The following ESR1 variants were observed in gnomAD, a reference collection of about 807,000 sequenced individuals.
ESR1 encodes estrogen receptor 1.
Under a neutral mutation model 52.7 loss-of-function variants are expected in ESR1, and 12 were observed. The observed-to-expected ratio is 0.23, with a 90% confidence interval of 0.15 to 0.37. The LOEUF (loss-of-function observed/expected upper bound fraction) is 0.37. ESR1 is among the 10% of genes least tolerant of loss of function. ESR1 has a pLI of 1.00. For synonymous variants in ESR1, 305 were observed against 316.8 expected, an observed-to-expected ratio of 0.96 and a Z score of 0.39; for missense variants, 584 against 779.7, an observed-to-expected ratio of 0.75 and a Z score of 2.99.
intron 2 of ESR1, among the ~76,000 whole-genome samples, chr6:151,755,891 G>A (rs1354002593): frequency 6.6e-6 from 1 of 151,868 alleles, no homozygotes; most frequent in Non-Finnish European, 1.5e-5. Flanking sequence ...TCAGCCTCCC[G>A]AAGTGCTGGG....
intron 1 of ESR1, among the ~76,000 whole-genome samples, chr6:151,695,816 A>T (rs1191745583): frequency 2.0e-5 from 3 of 152,224 alleles, no homozygotes; most frequent in African/African-American, 7.2e-5. Context: ...GGTGCTTAAT[A>T]AAGATAATTG....
At chr6:151,958,578 G>A (rs2037270217) in intron 4 of ESR1, among the ~76,000 whole-genome samples, 1 of 152,164 alleles carries the variant, frequency 6.6e-6, no homozygotes, top group African/African-American at 2.4e-5. Context: ...GTTATCTTGT[G>A]GCTTTGTGAA....
At chr6:151,712,251 G>A (rs1363439290) in intron 2 of ESR1, among the ~76,000 whole-genome samples, 2 of 152,160 alleles carry the variant, frequency 1.3e-5, no homozygotes, top group Non-Finnish European at 2.9e-5. Context: ...CCGTAGCCTT[G>A]TAGTATAGTT....
chr6:151,996,926 A>T (rs2041539083), intron 4 of ESR1, among the ~76,000 whole-genome samples: 1 of 152,100 alleles, frequency 6.6e-6, no homozygotes, highest in African/African-American at 2.4e-5. Context: ...ACTATCTATT[A>T]AGGACAAAGG....
chr6:152,072,099 C>T (rs2048399978), intron 6 of ESR1, among the ~76,000 whole-genome samples: 1 of 152,136 alleles, frequency 6.6e-6, no homozygotes, highest in Non-Finnish European at 1.5e-5. Flanking sequence ...TCAGCCACTG[C>T]CCTCTCCTCT....
intron 6 of ESR1, among the ~76,000 whole-genome samples, chr6:152,110,945 T>C (rs528036574): frequency 6.6e-6 from 1 of 152,308 alleles, no homozygotes; most frequent in East Asian, 1.9e-4. Context: ...TCTTGGTTTC[T>C]GAGGCCCCTT....
intron 1 of ESR1, among the ~76,000 whole-genome samples, chr6:151,830,488 G>A (rs1298167183): frequency 6.6e-6 from 1 of 152,182 alleles, no homozygotes; most frequent in Non-Finnish European, 1.5e-5. Context: ...AAAAGAAGAT[G>A]TGGTGTCAAA....
intron 2 of ESR1, among the ~76,000 whole-genome samples, chr6:151,869,824 A>G (rs1227130877): frequency 1.3e-5 from 2 of 152,228 alleles, no homozygotes; most frequent in Non-Finnish European, 2.9e-5. Flanking sequence ...TAAATAATAA[A>G]AGTAAGATGT....
chr6:152,095,351 C>CG (rs1310015855), intron 7 of ESR1, among the ~76,000 whole-genome samples: 2 of 152,120 alleles, frequency 1.3e-5, no homozygotes, highest in African/African-American at 4.8e-5. Context: ...GATGAGTCAT[C>CG]GGGGGGAGGT....
At chr6:152,083,051 T>C (rs1255287680) in intron 6 of ESR1, among the ~76,000 whole-genome samples, 2 of 152,162 alleles carry the variant, frequency 1.3e-5, no homozygotes, top group African/African-American at 2.4e-5. Flanking sequence ...AGGTAATTTA[T>C]AGATTCAGTG....
chr6:151,826,116 G>T (rs1277590898), intron 1 of ESR1, among the ~76,000 whole-genome samples: 1 of 152,008 alleles, frequency 6.6e-6, no homozygotes, highest in Non-Finnish European at 1.5e-5. Flanking sequence ...TGGTTGTGTG[G>T]TTTGGCTTTG....
At chr6:151,744,651 C>A (rs1783352557) in intron 2 of ESR1, among the ~76,000 whole-genome samples, 1 of 152,214 alleles carries the variant, frequency 6.6e-6, no homozygotes, top group East Asian at 1.9e-4. Flanking sequence ...AATATTTTCT[C>A]CCATTTTGTG....
intron 4 of ESR1, among the ~76,000 whole-genome samples, chr6:151,991,045 A>G (rs936724287): frequency 2.0e-5 from 3 of 152,190 alleles, no homozygotes; most frequent in Non-Finnish European, 2.9e-5. Context: ...CCAGGTCTAC[A>G]CTTCTTTAGT....
intron 4 of ESR1, among the ~76,000 whole-genome samples, chr6:151,946,165 G>A (rs1397855142): frequency 6.6e-6 from 1 of 152,162 alleles, no homozygotes; most frequent in Admixed American, 6.5e-5. Context: ...TATAGGGAAA[G>A]AGAAACAAAC....
At chr6:151,780,212 T>A (rs1203321263) in intron 2 of ESR1, among the ~76,000 whole-genome samples, 1 of 150,716 alleles carries the variant, frequency 6.6e-6, no homozygotes, top group Non-Finnish European at 1.5e-5. Flanking sequence ...TGTCGGGGGG[T>A]TGGGGGTCAA....
chr6:151,732,159 T>G (rs1236899197), intron 2 of ESR1, among the ~76,000 whole-genome samples: 1 of 152,238 alleles, frequency 6.6e-6, no homozygotes, highest in Non-Finnish European at 1.5e-5. Context: ...AAGCCATGCT[T>G]CTTTTCTCTT....
At chr6:151,907,337 A>G (rs1014449519) in intron 3 of ESR1, among the ~76,000 whole-genome samples, 3 of 152,098 alleles carry the variant, frequency 2.0e-5, no homozygotes, top group African/African-American at 7.2e-5. Context: ...CATTAACATT[A>G]TATAACTCTC....
At chr6:151,972,699 TA>T (rs1314830080) in intron 4 of ESR1, among the ~76,000 whole-genome samples, 2 of 152,098 alleles carry the variant, frequency 1.3e-5, no homozygotes, top group Non-Finnish European at 2.9e-5. Context: ...ACAGAACTAA[TA>T]GGATAGATGT....
At chr6:151,993,414 G>A (rs1261369481) in intron 4 of ESR1, among the ~76,000 whole-genome samples, 1 of 152,146 alleles carries the variant, frequency 6.6e-6, no homozygotes, top group Non-Finnish European at 1.5e-5. Context: ...TTGGCCCAGA[G>A]CAAGTGAACA....
Sources: gnomAD v4.1 joint callset for allele counts (sites outside exome capture counted in the v4.1 genomes callset) on GRCh38, gnomAD v4.1.1 for gene constraint, MANE v1.5 for transcripts, NCBI Gene and HGNC (gene_info 2026-07-23, HGNC 2026-07-21) for gene names.